CSF3R: variants seen among roughly 807,000 people sequenced by gnomAD.
CSF3R encodes colony stimulating factor 3 receptor.
CSF3R carries 52 observed loss-of-function variants against 84.4 expected under a neutral mutation model. The ratio of observed to expected loss-of-function variants is 0.62; its 90% CI spans 0.49 to 0.78. The LOEUF is 0.78. Among genes scored for constraint, CSF3R ranks in the 30% least tolerant of loss-of-function variants. The pLI, the probability that CSF3R is intolerant of heterozygous loss-of-function variation, is 0.00. For missense variants in CSF3R, 890 were observed against 1,055.7 expected (o/e 0.84, Z 2.17); for synonymous variants, 384 against 429.1 (o/e 0.89, Z 1.30).
intron 3 of CSF3R, among the ~76,000 whole-genome samples, chr1:36,477,907 C>T (rs1228072458): frequency 1.3e-5 from 2 of 152,002 alleles, no homozygotes; most frequent in Non-Finnish European, 2.9e-5. Context: ...TACAGGCACC[C>T]GGCACCATGC....
Position 36,467,142 on chromosome 1 carries a change from G to T in CSF3R, c.2040+88C>A. On this transcript the variant is annotated intron_variant, in intron 16 of 16. Transcript: ENST00000373106. This position sits in a 1 kb window ranked among gnomAD's most constrained non-coding sequence, Gnocchi z 4.1. ...AGATGTTGCCGGAAGTGACAGGAAG[G>T]CCTGAGTACTTGGCTTCAGAAGGTG... 7.0e-7 allele frequency: 1 copy of T among 1,435,628 alleles called. No individual in the cohort carries two copies. Among genetic ancestry groups the T allele is most frequent in the Non-Finnish European group, 9.8e-7 (1 of 1,018,644 alleles). 88.9% of individuals were successfully genotyped at this position (1,435,628 alleles called of 1,614,324 possible). A position where few individuals can be genotyped will look rare whatever the true frequency, so the allele number is the denominator to read the frequency against.
In CSF3R at chr1:36,469,267, G is replaced by T. The variant is rs375019697; in HGVS notation, c.1475-10C>A. On this transcript the variant is annotated splice_polypyrimidine_tract_variant and intron_variant, in intron 11 of 16. Transcript: ENST00000373106. ...AAGGGCCTGATGTTCTCTGTAGAGA[G>T]AAAATGGGGTAGGCACTTCTGTTAG... 3 of 1,606,934 alleles carry T rather than the reference G, an allele frequency of 1.9e-6. No individual in the cohort carries two copies. The highest frequency in any genetic ancestry group is 2.6e-6 in the Non-Finnish European group (3 of 1,173,396).
rs771829515 is a variant in CSF3R at position 36,468,115 on chromosome 1, G to C, written c.1683C>G (p.His561Gln). 1 of 1,614,240 alleles carries C rather than the reference G, an allele frequency of 6.2e-7. No individual in the cohort carries two copies. The highest frequency in any genetic ancestry group is 1.7e-5 in the Admixed American group (1 of 60,038). The change falls in exon 13 of 17, where the codon CAC (histidine) becomes CAG (glutamine). Residue 561 changes from histidine to glutamine, a missense_variant. Coordinates refer to ENST00000373106, the MANE Select transcript of CSF3R (RefSeq NM_000760.4). ...GAGCGTTGGTCCAGAAGATGGTGTA[G>C]TGGGTAAGGGGGCTCTTCCCCAGCT... ...PPELGKSPLT[H>Q]YTIFWTNAQN...
Position 36,472,383 on chromosome 1 carries a change from G to A in CSF3R, c.852C>T (p.Pro284=), listed in dbSNP as rs1420225440. The A allele has an allele frequency of 6.2e-7, 1 of 1,614,062 alleles. No homozygotes were observed. The highest frequency in any genetic ancestry group is 8.5e-7 in the Non-Finnish European group (1 of 1,180,020). Residue 284 remains proline, a synonymous_variant, in exon 8 of 17, where the codon CCC becomes CCT. Coordinates refer to ENST00000373106, the MANE Select transcript of CSF3R (RefSeq NM_000760.4). The surrounding 1 kb of genome is among the most constrained non-coding windows in gnomAD (Gnocchi z 5.0). ...RGEASWALVG[P]LPLEALQYEL... is the part of the protein sequence containing the mutation. ...CATACTGAAGGGCCTCCAAGGGGAGGGGGCCCACCTGGTGAGGGGTGGACA... is the reference window on the plus strand; with the variant it reads ...CATACTGAAGGGCCTCCAAGGGGAGAGGGCCCACCTGGTGAGGGGTGGACA...
intron 12 of CSF3R, 110 bp downstream of exon 12, chr1:36,469,046 G>A (rs372302751): frequency 1.4e-5 from 11 of 807,024 alleles, no homozygotes; most frequent in African/African-American, 5.1e-5. Context: ...TCCAGGGCTG[G>A]AAGTATGGTA....
At chr1:36,470,824 A>T (rs987015603) in intron 10 of CSF3R, among the ~76,000 whole-genome samples, 15 of 150,544 alleles carry the variant, frequency 1.0e-4, no homozygotes, top group Non-Finnish European at 1.8e-4. Context: ...TGTGTGTGTG[A>T]GAGAGAGAGC....
Position 36,471,617 on chromosome 1 carries a change from C to T in CSF3R, c.1101G>A (p.Arg367=), listed in dbSNP as rs1447131096. The part of the protein sequence containing the change: ...KPVPLEEDSG[R]IQGYVVSWRP... The stretch of plus-strand genomic sequence containing the variant: ...TCCAAGAAACCACATAACCTTGGAT[C>T]CGTCCGCTGTCTTCCTCCAGGGGCA... Residue 367 remains arginine, a synonymous_variant, in exon 10 of 17, where the codon CGG becomes CGA. Coordinates refer to ENST00000373106, the MANE Select transcript of CSF3R (RefSeq NM_000760.4). The T allele has an allele frequency of 6.2e-7, 1 of 1,614,212 alleles. No individual in the cohort carries two copies. Among genetic ancestry groups the T allele is most frequent in the Non-Finnish European group, 8.5e-7 (1 of 1,180,038 alleles).
intron 3 of CSF3R, 148 bp from the exon 4 acceptor site, chr1:36,475,821 G>T: frequency 1.3e-6 from 1 of 778,568 alleles, no homozygotes; most frequent in Non-Finnish European, 2.0e-6. Context: ...GGATGGGGAC[G>T]GAGACTTCGA....
chr1:36,471,997 CG>C, intron 9 of CSF3R, 68 bp downstream of exon 9: 1 of 1,510,666 alleles, frequency 6.6e-7, no homozygotes, highest in Non-Finnish European at 9.1e-7. Flanking sequence ...TCCTAAGCCC[CG>C]GTTTGTAGGG....
At chr1:36,471,343 G>A (rs1437383286) in intron 10 of CSF3R, 90 bp downstream of exon 10, 18 of 1,318,310 alleles carry the variant, frequency 1.4e-5, no homozygotes, top group Middle Eastern at 2.2e-4. Context: ...CACTGCGCCC[G>A]GCCAATAGGA....
Position 36,467,909 on chromosome 1 carries a change from C to T in CSF3R, c.1777G>A (p.Ala593Thr), listed in dbSNP as rs754739637. The T allele has an allele frequency of 2.7e-5, 43 of 1,614,078 alleles. No individual in the cohort carries two copies. Among genetic ancestry groups the T allele is most frequent in the Admixed American group, 1.5e-4 (9 of 60,006 alleles). The change falls in exon 14 of 17, where the codon GCC (alanine) becomes ACC (threonine). Residue 593 changes from alanine to threonine, a missense_variant. Physicochemically the swap from Ala to Thr is moderately conservative, Grantham distance 58. Coordinates refer to ENST00000373106, the MANE Select transcript of CSF3R (RefSeq NM_000760.4). This position sits in a 1 kb window ranked among gnomAD's most constrained non-coding sequence, Gnocchi z 4.1. ...ATGAGGTGGATGTGATACAGACTGG[C>T]GGGCTCCAGGCCATGGAGGACAAAG... ...RGFVLHGLEP[A>T]SLYHIHLMAA...
Position 36,466,200 on chromosome 1 carries a change from C to G in CSF3R, c.*157G>C. 6.2e-7 allele frequency: 1 copy of G among 1,614,132 alleles called. No homozygotes were observed. Among genetic ancestry groups the G allele is most frequent in the Non-Finnish European group, 8.5e-7 (1 of 1,180,024 alleles). On this transcript the variant is annotated 3_prime_UTR_variant, in exon 17 of 17. Coordinates refer to ENST00000373106, the MANE Select transcript of CSF3R (RefSeq NM_000760.4). This position sits in a 1 kb window ranked among gnomAD's most constrained non-coding sequence, Gnocchi z 4.6. ...TATGCAGATCGCCTGGGAGGCCCAGCCTATGGAGATTGGGAGGAGAGGGAG... is the reference window on the plus strand; with the variant it reads ...TATGCAGATCGCCTGGGAGGCCCAGGCTATGGAGATTGGGAGGAGAGGGAG...
chr1:36,475,630 G>T lies in CSF3R; in HGVS notation c.108C>A (p.Val36=). The T allele has an allele frequency of 6.2e-7, 1 of 1,607,152 alleles. No homozygotes were observed. Among genetic ancestry groups the T allele is most frequent in the Non-Finnish European group, 8.5e-7 (1 of 1,174,462 alleles). ...CGHISVSAPI[V]HLGDPITASC... ...AGGCTGTGATGGGATCCCCCAGGTG[G>T]ACGATGGGGGCTGAGACACTGATGT... The change falls in exon 4 of 17, where the codon GTC becomes GTA. Residue 36 remains valine (V), a synonymous_variant. Transcript: ENST00000373106.
chr1:36,472,221 T>G lies in CSF3R; in HGVS notation c.997+17A>C. 6.2e-7 allele frequency: 1 copy of G among 1,614,112 alleles called. No homozygotes were observed. Among genetic ancestry groups the G allele is most frequent in the Non-Finnish European group, 8.5e-7 (1 of 1,180,014 alleles). Reference sequence around the variant, plus strand: ...TGGATACTGTTGGCTGCTCCCAGCCTCTCATCACCTCCTTACCCCGTTCGG... The same window carrying G: ...TGGATACTGTTGGCTGCTCCCAGCCGCTCATCACCTCCTTACCCCGTTCGG... On this transcript the variant is annotated intron_variant, in intron 8 of 16. Transcript: ENST00000373106. The surrounding 1 kb of genome is among the most constrained non-coding windows in gnomAD (Gnocchi z 5.0).
intron 10 of CSF3R, 82 bp from the exon 11 acceptor site, chr1:36,469,922 C>A: frequency 6.7e-7 from 1 of 1,486,974 alleles, no homozygotes; most frequent in South Asian, 1.2e-5. Context: ...CAAATCCTGG[C>A]TTTGCTATTT....
At position 36,467,938 on chromosome 1, in the gene CSF3R, C is replaced by T. The variant is rs148104401; in HGVS notation, c.1748G>A (p.Arg583His). The change falls in exon 14 of 17, where the codon CGT becomes CAT. Residue 583 changes from arginine (R) to histidine (H), a missense_variant. Coordinates refer to ENST00000373106, the MANE Select transcript of CSF3R (RefSeq NM_000760.4). The surrounding 1 kb of genome is among the most constrained non-coding windows in gnomAD (Gnocchi z 4.1). Reference protein sequence around the residue: ...SFSAILNASSRGFVLHGLEPA... With the variant: ...SFSAILNASSHGFVLHGLEPA... ...CTCCAGGCCATGGAGGACAAAGCCACGGGAGGAGGCATTCAGGATGGCGGC... is the reference window on the plus strand; with the variant it reads ...CTCCAGGCCATGGAGGACAAAGCCATGGGAGGAGGCATTCAGGATGGCGGC... 455 of 1,614,192 alleles carry T rather than the reference C, an allele frequency of 2.8e-4. 3 individuals are homozygous for T. In the African/African-American group the frequency reaches 4.6e-3, roughly 16 times the overall value.
chr1:36,469,048 A>T, intron 12 of CSF3R, 108 bp downstream of exon 12: 1 of 812,238 alleles, frequency 1.2e-6, no homozygotes, highest in Non-Finnish European at 2.1e-6. Context: ...CAGGGCTGGA[A>T]GTATGGTAGG....
In CSF3R at chr1:36,473,665, C is replaced by T. The variant is rs201072357; in HGVS notation, c.486-43G>A. On this transcript the variant is annotated intron_variant, in intron 5 of 16. Transcript: ENST00000373106. ...TTGGGTGCCAAGCAGAGGAAGAAAG[C>T]GAGGCTCCCTTCTCCCTCCCAGAGG... The T allele has an allele frequency of 9.6e-5, 155 of 1,613,884 alleles. 2 individuals carry two copies. The highest frequency in any genetic ancestry group is 8.1e-4 in the South Asian group (74 of 91,078).
At chr1:36,479,849 A>G in intron 2 of CSF3R, 1 of 380,296 alleles carries the variant, frequency 2.6e-6, no homozygotes. Flanking sequence ...GGCTACCCCT[A>G]GAGAGCAGAA....
Sources: gnomAD v4.1 joint callset for allele counts (sites outside exome capture counted in the v4.1 genomes callset) on GRCh38, gnomAD v4.1.1 for gene constraint, Gnocchi (gnomAD v3.1) non-coding constraint, MANE v1.5 for transcripts, NCBI Gene and HGNC (gene_info 2026-07-23, HGNC 2026-07-21) for gene names.